Variants in SYNRG observed in about 807,000 individuals in gnomAD.
SYNRG encodes the protein AP1 gamma subunit binding protein 1.
In SYNRG, 37 loss-of-function variants were observed where a neutral mutation model predicts 130.9. The ratio of observed to expected loss-of-function variants is 0.28; its 90% CI spans 0.22 to 0.37. The LOEUF (loss-of-function observed/expected upper bound fraction) is 0.37. SYNRG is among the 10% of genes least tolerant of loss of function. The pLI is 1.00. For synonymous variants in SYNRG, 539 were observed against 568.1 expected (o/e 0.95, Z 0.73); for missense variants, 1,338 against 1,588.9 (o/e 0.84, Z 2.68).
At chr17:37,521,786 G>A (rs957274059) in intron 19 of SYNRG, among the ~76,000 whole-genome samples, 1 of 152,186 alleles carries the variant, frequency 6.6e-6, no homozygotes, top group Non-Finnish European at 1.5e-5. Context: ...ACGTGAAAGA[G>A]CTGACGAGGC....
At chr17:37,603,381 T>C (rs1452920179) in intron 1 of SYNRG, among the ~76,000 whole-genome samples, 4 of 152,122 alleles carry the variant, frequency 2.6e-5, no homozygotes, top group African/African-American at 9.7e-5. Flanking sequence ...ATAAATAACA[T>C]AAAAATTATA....
At chr17:37,523,468 A>C (rs1267958715) in intron 19 of SYNRG, among the ~76,000 whole-genome samples, 1 of 152,208 alleles carries the variant, frequency 6.6e-6, no homozygotes, top group East Asian at 1.9e-4. Context: ...TCTTCATTTA[A>C]TTTTTAGTAA....
intron 17 of SYNRG, 36 bp from the exon 18 acceptor site, chr17:37,538,456 G>A: frequency 6.9e-7 from 1 of 1,455,574 alleles, no homozygotes; most frequent in Non-Finnish European, 9.4e-7. Context: ...TTACATAACT[G>A]AGAAAAGTCA....
chr17:37,531,377 C>T (rs976032719), intron 19 of SYNRG, among the ~76,000 whole-genome samples: 1 of 152,118 alleles, frequency 6.6e-6, no homozygotes, highest in Non-Finnish European at 1.5e-5. Context: ...GGTAATGACA[C>T]ATTTCTCCTA....
chr17:37,595,331 C>G (rs1268297214), intron 3 of SYNRG, among the ~76,000 whole-genome samples: 1 of 152,158 alleles, frequency 6.6e-6, no homozygotes, highest in Non-Finnish European at 1.5e-5. Context: ...AAAGTATATA[C>G]TGTATAACAA....
At chr17:37,571,705 G>C (rs1223810946) in intron 9 of SYNRG, 86 bp downstream of exon 9, 1 of 1,223,638 alleles carries the variant, frequency 8.2e-7, no homozygotes, top group African/African-American at 1.5e-5. Context: ...TGTACAAGGA[G>C]TTACACAATG....
intron 3 of SYNRG, among the ~76,000 whole-genome samples, chr17:37,590,167 C>CAAAA: frequency 1.2e-5 from 1 of 80,114 alleles, no homozygotes; most frequent in Admixed American, 1.2e-4. Flanking sequence ...GACTCTGTCT[C>CAAAA]AAAAAAAAAA....
chr17:37,570,756 C>G lies in SYNRG; in HGVS notation c.1228G>C (p.Ala410Pro). The change falls in exon 10 of 22, where the codon GCG becomes CCG. Residue 410 changes from alanine to proline, a missense_variant. This residue lies in a region of SYNRG where 1,146 missense variants were observed against 1,342.3 expected (regional missense o/e 0.85). Coordinates refer to ENST00000612223, the MANE Select transcript of SYNRG (RefSeq NM_007247.6). ...SQPTVIPSGP[A>P]GSMPLSLGQP... ...CCAAGGCTGAGGGGCATGGAGCCCGCAGGACCTGAAGGTATCACAGTTGGC... is the reference window on the plus strand; with the variant it reads ...CCAAGGCTGAGGGGCATGGAGCCCGGAGGACCTGAAGGTATCACAGTTGGC... 1 of 1,614,202 alleles carries G rather than the reference C, an allele frequency of 6.2e-7. No individual in the cohort carries two copies. The highest frequency in any genetic ancestry group is 1.1e-5 in the South Asian group (1 of 91,090).
At chr17:37,533,734 T>C (rs2144516622) in intron 19 of SYNRG, among the ~76,000 whole-genome samples, 1 of 148,784 alleles carries the variant, frequency 6.7e-6, no homozygotes, top group African/African-American at 2.5e-5. Flanking sequence ...ATTACAGGCA[T>C]GCACCACCAC....
In SYNRG at chr17:37,609,410, G is replaced by A; in HGVS notation, c.-55C>T. 3 of 1,358,904 alleles carry A rather than the reference G, an allele frequency of 2.2e-6. No individual in the cohort carries two copies. The highest frequency in any genetic ancestry group is 2.8e-6 in the Non-Finnish European group (3 of 1,057,936). The allele number at this position is 1,358,904 out of a possible 1,614,324, so 84.2% of individuals were successfully genotyped here. Reference sequence around the variant, plus strand: ...GCCGCCACCTTATCAGCAGCTGTCAGCTGAACACAGCCACTTCCGGGTCAA... The same window carrying A: ...GCCGCCACCTTATCAGCAGCTGTCAACTGAACACAGCCACTTCCGGGTCAA... On this transcript the variant is annotated 5_prime_UTR_variant, in exon 1 of 22. Transcript: ENST00000612223.
At chr17:37,584,160 TAAAA>T (rs1357995986) in intron 6 of SYNRG, among the ~76,000 whole-genome samples, 2 of 152,158 alleles carry the variant, frequency 1.3e-5, no homozygotes, top group Non-Finnish European at 2.9e-5. Context: ...TAAATGATGA[TAAAA>T]ATTACAAAGA....
chr17:37,521,033 C>CT (rs66478744), intron 19 of SYNRG, among the ~76,000 whole-genome samples: 103 of 126,334 alleles, frequency 8.2e-4, no homozygotes, highest in Middle Eastern at 7.6e-3. Context: ...TTTTTCTTTT[C>CT]TTTTTTTTTT....
chr17:37,579,907 A>G (rs1413728308), intron 6 of SYNRG, among the ~76,000 whole-genome samples: 2 of 151,492 alleles, frequency 1.3e-5, no homozygotes, highest in Non-Finnish European at 2.9e-5. Flanking sequence ...TTTCATAGAG[A>G]TGGTGTCTCA....
chr17:37,574,982 A>T (rs2060700989), intron 8 of SYNRG, among the ~76,000 whole-genome samples: 1 of 152,162 alleles, frequency 6.6e-6, no homozygotes. Flanking sequence ...AAAAATTGAG[A>T]TCCTGTCATT....
intron 14 of SYNRG, among the ~76,000 whole-genome samples, chr17:37,546,492 G>A (rs1035923113): frequency 1.3e-4 from 20 of 152,186 alleles, no homozygotes; most frequent in African/African-American, 4.6e-4. Flanking sequence ...TTTCCATCAT[G>A]GATCTCAAAT....
intron 19 of SYNRG, among the ~76,000 whole-genome samples, chr17:37,532,671 CAAAAAA>C (rs56982337): frequency 3.8e-5 from 3 of 79,140 alleles, no homozygotes; most frequent in African/African-American, 5.0e-5. Flanking sequence ...AGATCTGTCT[CAAAAAA>C]AAAAAAAAAA....
At chr17:37,542,882 A>G (rs570367449) in intron 14 of SYNRG, among the ~76,000 whole-genome samples, 82 of 152,338 alleles carry the variant, frequency 5.4e-4, no homozygotes, top group African/African-American at 1.9e-3. Flanking sequence ...CATTTAATAA[A>G]TTGTTCCCTT....
At position 37,583,474 on chromosome 17, in the gene SYNRG, C is replaced by T. The variant is rs139543718; in HGVS notation, c.589+1174G>A. On this transcript the variant is annotated intron_variant, in intron 6 of 21. Transcript: ENST00000612223. ...TAACAGAACAGAGTCAAAGTTGTCC[C>T]GGAAAAATCAAGAACTGGTTACTAT... 2.2e-3 allele frequency among the ~76,000 whole-genome samples: 333 copies of T among 152,052 alleles called. 1 individual carries two copies. Among genetic ancestry groups the T allele is most frequent in the Admixed American group, 3.7e-3 (57 of 15,260 alleles).
At position 37,518,096 on chromosome 17, in the gene SYNRG, T is replaced by C. The variant is rs2054565004; in HGVS notation, c.*844A>G. On this transcript the variant is annotated 3_prime_UTR_variant, in exon 22 of 22. Transcript: ENST00000612223. ...AGTGTTGGTCCCTATGCAGTCATCT[T>C]TGGAAATTTGGAGAGAGGCCACTGC... is the stretch of plus-strand genomic sequence containing the variant. 1 of 152,234 alleles carries C rather than the reference T, an allele frequency of 6.6e-6. No individual in the cohort carries two copies. Among genetic ancestry groups the C allele is most frequent in the Non-Finnish European group, 1.5e-5 (1 of 68,048 alleles). 9.4% of individuals were successfully genotyped at this position (152,234 alleles called of 1,614,324 possible).
Sources: gnomAD v4.1 joint callset for allele counts (sites outside exome capture counted in the v4.1 genomes callset) on GRCh38, gnomAD v4.1.1 for gene constraint, gnomAD v4.1.1 regional missense constraint, MANE v1.5 for transcripts, NCBI Gene and HGNC (gene_info 2026-07-23, HGNC 2026-07-21) for gene names.